CMTM4: variants seen among roughly 807,000 people sequenced by gnomAD.
CMTM4 encodes the protein CKLF-like MARVEL transmembrane domain-containing protein 4.
CMTM4 carries 8 observed loss-of-function variants against 19.0 expected under a neutral mutation model. The observed-to-expected ratio is 0.42, with a 90% CI of 0.25 to 0.76. The LOEUF (loss-of-function observed/expected upper bound fraction) is 0.76, where lower values mean the gene tolerates loss of function less well. Ranked by LOEUF, CMTM4 falls within the 30% of genes least tolerant of loss-of-function variation. The probability of loss-of-function intolerance (pLI) is 0.27; values close to 1 mark genes in which losing one functional copy is unlikely to be tolerated. For missense variants in CMTM4, 228 were observed against 290.2 expected, an observed-to-expected ratio of 0.79 and a Z score of 1.56; for synonymous variants, 106 against 121.1, an observed-to-expected ratio of 0.88 and a Z score of 0.82.
At chr16:66,664,971 A>T (rs1042486480) in intron 1 of CMTM4, among the ~76,000 whole-genome samples, 1 of 151,890 alleles carries the variant, frequency 6.6e-6, no homozygotes, top group African/African-American at 2.4e-5. Context: ...TCTCCGAGAG[A>T]GAGTCTCCCT....
intron 1 of CMTM4, among the ~76,000 whole-genome samples, chr16:66,650,126 C>A (rs567196077): frequency 9.9e-5 from 15 of 152,284 alleles, no homozygotes; most frequent in South Asian, 8.3e-4. Flanking sequence ...CAGTCAACAC[C>A]AAACTCAGGT....
chr16:66,643,615 G>A (rs532078285), intron 1 of CMTM4, among the ~76,000 whole-genome samples: 1 of 152,328 alleles, frequency 6.6e-6, no homozygotes, highest in Non-Finnish European at 1.5e-5. Context: ...CAGTAATGTA[G>A]TGTATGCAAC....
downstream of CMTM4, chr16:66,613,033 C>A (rs529919822): frequency 8.3e-5 from 58 of 702,956 alleles, no homozygotes; most frequent in African/African-American, 8.0e-4. Context: ...GGAACAAAGA[C>A]AGAAACCATG....
intron 1 of CMTM4, among the ~76,000 whole-genome samples, chr16:66,677,150 C>A (rs1308090515): frequency 1.3e-5 from 2 of 152,138 alleles, no homozygotes; most frequent in Non-Finnish European, 2.9e-5. Context: ...GGTCTAGGAC[C>A]ACTTGGGACG....
At chr16:66,613,169 T>C, downstream of CMTM4, 1 of 702,270 alleles carries the variant, frequency 1.4e-6, no homozygotes, top group Non-Finnish European at 2.6e-6. Context: ...TCCCTCTTCA[T>C]TCTTGAAGCA....
intron 1 of CMTM4, among the ~76,000 whole-genome samples, chr16:66,683,161 GTATATATATATATACATATGTATA>G (rs1186211087): frequency 2.5e-5 from 2 of 81,504 alleles, no homozygotes; most frequent in Non-Finnish European, 4.7e-5. Context: ...ATATATATAC[GTATATATATATATACATATGTATA>G]TATATATACA....
At chr16:66,676,462 G>A (rs935303665) in intron 1 of CMTM4, among the ~76,000 whole-genome samples, 5 of 152,026 alleles carry the variant, frequency 3.3e-5, no homozygotes, top group East Asian at 1.9e-4. Context: ...GAAAGAATGC[G>A]ACCCTGAGGC....
chr16:66,679,958 C>A (rs1175433594), intron 1 of CMTM4, among the ~76,000 whole-genome samples: 1 of 152,172 alleles, frequency 6.6e-6, no homozygotes, highest in South Asian at 2.1e-4. Context: ...TCCCCACCAG[C>A]TAGCCAGTTA....
downstream of CMTM4, among the ~76,000 whole-genome samples, chr16:66,614,475 G>A (rs1208696182): frequency 6.6e-6 from 1 of 152,208 alleles, no homozygotes; most frequent in Non-Finnish European, 1.5e-5. This position sits in a 1 kb window ranked among gnomAD's most constrained non-coding sequence, Gnocchi z 4.9. Context: ...AGGCTGATGG[G>A]AAAAGACAAG....
intron 1 of CMTM4, among the ~76,000 whole-genome samples, chr16:66,662,700 G>A (rs1318864053): frequency 6.6e-6 from 1 of 152,046 alleles, no homozygotes; most frequent in Admixed American, 6.6e-5. Context: ...CTAGGACATG[G>A]ACACAGCTGT....
chr16:66,609,381 C>T, the CMTM4 span: 1 of 1,513,718 alleles, frequency 6.6e-7, no homozygotes, highest in Non-Finnish European at 9.1e-7. This position sits in a 1 kb window ranked among gnomAD's most constrained non-coding sequence, Gnocchi z 4.4. Flanking sequence ...AGGCCTCCTC[C>T]CCATGCTGTG....
chr16:66,618,630 T>C lies in CMTM4; in HGVS notation c.*3428A>G. ...AGGTCTCATTCACTGCAAGCAAGAA[T>C]TCACGTACATGAGTGCACAAAGGTG... On this transcript the variant is annotated 3_prime_UTR_variant, in exon 4 of 4. Coordinates refer to ENST00000394106, the MANE Select transcript of CMTM4 (RefSeq NM_181521.3). 3 of 985,490 alleles carry C rather than the reference T, an allele frequency of 3.0e-6. No homozygotes were observed. Among genetic ancestry groups the C allele is most frequent in the Non-Finnish European group, 3.6e-6 (3 of 829,942 alleles). 61.0% of individuals were successfully genotyped at this position (985,490 alleles called of 1,614,324 possible).
chr16:66,684,618 A>T (rs1298168239), intron 1 of CMTM4, among the ~76,000 whole-genome samples: 1 of 151,986 alleles, frequency 6.6e-6, no homozygotes, highest in Non-Finnish European at 1.5e-5. Flanking sequence ...ACACCCCCCA[A>T]CCCACTGCTT....
intron 3 of CMTM4, among the ~76,000 whole-genome samples, chr16:66,623,095 G>A (rs74519090): frequency 2.6e-5 from 4 of 152,158 alleles, no homozygotes; most frequent in Non-Finnish European, 5.9e-5. Context: ...TGTTGGAAAC[G>A]AACCAAAGCA....
At position 66,616,178 on chromosome 16, in the gene CMTM4, A is replaced by G. The variant is rs899485580; in HGVS notation, c.*5880T>C. 6.6e-6 allele frequency: 1 copy of G among 152,198 alleles called. No individual in the cohort carries two copies. The highest frequency in any genetic ancestry group is 1.5e-5 in the Non-Finnish European group (1 of 68,038). 9.4% of individuals were successfully genotyped at this position (152,198 alleles called of 1,614,324 possible). ...TGTTATCTTGTTTAACTAAATGTAC[A>G]TCTTTTTTTCCAATTCCATGATTGA... On this transcript the variant is annotated 3_prime_UTR_variant, in exon 4 of 4. Coordinates refer to ENST00000394106, the MANE Select transcript of CMTM4 (RefSeq NM_181521.3).
downstream of CMTM4, chr16:66,613,232 A>T (rs1280546497): frequency 4.4e-6 from 3 of 677,848 alleles, no homozygotes; most frequent in Non-Finnish European, 8.1e-6. Flanking sequence ...CGGCACCCAT[A>T]ACTAACACCT....
chr16:66,684,485 T>C (rs2016998344), intron 1 of CMTM4, among the ~76,000 whole-genome samples: 1 of 151,862 alleles, frequency 6.6e-6, no homozygotes, highest in South Asian at 2.1e-4. Flanking sequence ...CAGCCCTCTT[T>C]CTCTCAATCC....
intron 1 of CMTM4, among the ~76,000 whole-genome samples, chr16:66,680,771 CTCA>C (rs2016898600): frequency 2.6e-5 from 2 of 78,000 alleles, no homozygotes; most frequent in African/African-American, 9.1e-5. Flanking sequence ...AAGACTCCGT[CTCA>C]AAAAAAAAAA....
At chr16:66,606,821 T>C in the CMTM4 span, among the ~76,000 whole-genome samples, 2 of 151,824 alleles carry the variant, frequency 1.3e-5, no homozygotes, top group African/African-American at 4.9e-5. Flanking sequence ...GGTGAAACCC[T>C]GTCTCTACTA....
Sources: gnomAD v4.1 joint callset for allele counts (sites outside exome capture counted in the v4.1 genomes callset) on GRCh38, gnomAD v4.1.1 for gene constraint, Gnocchi (gnomAD v3.1) non-coding constraint, MANE v1.5 for transcripts, NCBI Gene and HGNC (gene_info 2026-07-23, HGNC 2026-07-21) for gene names.